The following CWC25 variants were observed in gnomAD, a reference collection of about 807,000 sequenced individuals.
CWC25 encodes the protein pre-mRNA-splicing factor CWC25 homolog.
In CWC25, 31 loss-of-function variants were observed where a neutral mutation model predicts 54.6. The observed-to-expected ratio is 0.57, with a 90% CI of 0.43 to 0.77. The LOEUF is 0.77. Among genes scored for constraint, CWC25 ranks in the 30% least tolerant of loss-of-function variants. The pLI, the probability that CWC25 is intolerant of heterozygous loss-of-function variation, is 0.00. For missense variants in CWC25, 453 were observed against 529.3 expected (o/e 0.86, Z 1.41); for synonymous variants, 151 against 187.0 (o/e 0.81, Z 1.57).
At chr17:38,815,141 AG>A (rs1294923785) in intron 2 of CWC25, 44 bp from the exon 3 acceptor site, 3 of 1,559,716 alleles carry the variant, frequency 1.9e-6, no homozygotes, top group Non-Finnish European at 2.6e-6. Context: ...TTTAAAAAGC[AG>A]ACTTCTGCAA....
rs576338315 is a variant in CWC25, at chr17:38,802,348, G to C, written c.1164-142C>G. On this transcript the variant is annotated intron_variant, in intron 9 of 9. Coordinates refer to ENST00000614790, the MANE Select transcript of CWC25 (RefSeq NM_017748.5). ...TTTTAAGCTCCCATAGATAACTTTC[G>C]AGTGACTCCACCTGGAACCAAATGT... 244 of 608,778 alleles carry C rather than the reference G, an allele frequency of 4.0e-4. 1 individual carries two copies. Among genetic ancestry groups the C allele is most frequent in the Non-Finnish European group, 1.8e-4 (62 of 348,862 alleles). The allele number at this position is 608,778 out of a possible 1,614,324, so 37.7% of individuals were successfully genotyped here. A position where few individuals can be genotyped will look rare whatever the true frequency, so the allele number is the denominator to read the frequency against.
intron 9 of CWC25, 33 bp downstream of exon 9, chr17:38,802,667 T>A: frequency 2.5e-6 from 4 of 1,611,408 alleles, no homozygotes; most frequent in Non-Finnish European, 3.4e-6. Flanking sequence ...ACCTTCCCCA[T>A]GAAAGACCCT....
chr17:38,807,220 G>A (rs1194316154), intron 6 of CWC25, among the ~76,000 whole-genome samples: 2 of 147,278 alleles, frequency 1.4e-5, no homozygotes, highest in Non-Finnish European at 3.0e-5. Flanking sequence ...CTACTCAGAA[G>A]GCTGAGGCAG....
chr17:38,802,532 A>T (rs959682125), intron 9 of CWC25, among the ~76,000 whole-genome samples, 168 bp downstream of exon 9: 1 of 152,210 alleles, frequency 6.6e-6, no homozygotes, highest in Admixed American at 6.5e-5. Context: ...CCTCCCCTCA[A>T]ATGAAAAACA....
intron 1 of CWC25, among the ~76,000 whole-genome samples, chr17:38,823,159 C>CTTTT (rs35287371): frequency 1.6e-5 from 2 of 122,440 alleles, no homozygotes; most frequent in African/African-American, 3.1e-5. Flanking sequence ...TTTTTTTTAA[C>CTTTT]TTTTTTTTTT....
chr17:38,823,838 CG>C (rs1912027302), intron 1 of CWC25, among the ~76,000 whole-genome samples: 1 of 152,172 alleles, frequency 6.6e-6, no homozygotes, highest in Non-Finnish European at 1.5e-5. Context: ...CTGGTGGAGA[CG>C]GGTGTTAGTG....
At chr17:38,813,997 G>A (rs1054895369) in intron 3 of CWC25, among the ~76,000 whole-genome samples, 1 of 152,034 alleles carries the variant, frequency 6.6e-6, no homozygotes, top group African/African-American at 2.4e-5. Flanking sequence ...GAGTAGCTGG[G>A]ACTATAGGCG....
At chr17:38,802,444 G>C (rs533952807) in intron 9 of CWC25, among the ~76,000 whole-genome samples, 2 of 152,168 alleles carry the variant, frequency 1.3e-5, no homozygotes, top group Non-Finnish European at 2.9e-5. Context: ...TTGGAAAAAG[G>C]CTTCCTGGGC....
chr17:38,809,441 A>C (rs961761294), intron 6 of CWC25, among the ~76,000 whole-genome samples: 100 of 150,580 alleles, frequency 6.6e-4, no homozygotes, highest in African/African-American at 2.1e-3. Context: ...AAAAAAAAAA[A>C]CAAAAAAACC....
At chr17:38,810,288 C>T (rs995208718) in intron 5 of CWC25, 180 bp downstream of exon 5, 2 of 628,374 alleles carry the variant, frequency 3.2e-6, no homozygotes, top group Non-Finnish European at 5.3e-6. Context: ...TTAGCATCTC[C>T]AAGGAACTCT....
intron 8 of CWC25, 57 bp from the exon 9 acceptor site, chr17:38,802,918 G>A: frequency 6.3e-7 from 1 of 1,598,738 alleles, no homozygotes; most frequent in Non-Finnish European, 8.5e-7. Context: ...ACCAGAAGCA[G>A]CACAAGAAGC....
rs777116817 is a variant in CWC25 at position 38,821,090 on chromosome 17, G to C, written c.19-17C>G. On this transcript the variant is annotated splice_polypyrimidine_tract_variant and intron_variant, in intron 1 of 9. Transcript: ENST00000614790. ...CTTCAGATTCTGTGGTAAATAAAAAGAAGGTGATGATAATTCGGGGGGTGA... is the reference window on the plus strand; with the variant it reads ...CTTCAGATTCTGTGGTAAATAAAAACAAGGTGATGATAATTCGGGGGGTGA... 6.2e-7 allele frequency: 1 copy of C among 1,606,890 alleles called. No homozygotes were observed. The highest frequency in any genetic ancestry group is 1.3e-5 in the African/African-American group (1 of 74,460).
intron 2 of CWC25, among the ~76,000 whole-genome samples, chr17:38,816,952 G>C (rs1453568527): frequency 6.6e-6 from 1 of 151,590 alleles, no homozygotes; most frequent in Non-Finnish European, 1.5e-5. Flanking sequence ...AAAGTGCTGG[G>C]ATTACAGGCG....
chr17:38,821,513 T>C (rs183633977), intron 1 of CWC25, among the ~76,000 whole-genome samples: 101 of 152,268 alleles, frequency 6.6e-4, no homozygotes, highest in African/African-American at 2.1e-3. Flanking sequence ...GAGCCGAAAC[T>C]GCGCTGCTGC....
At chr17:38,821,099 G>A (rs1911905101) in intron 1 of CWC25, 26 bp from the exon 2 acceptor site, 1 of 1,602,140 alleles carries the variant, frequency 6.2e-7, no homozygotes, top group Non-Finnish European at 8.5e-7. Context: ...AGAAGGTGAT[G>A]ATAATTCGGG....
intron 4 of CWC25, among the ~76,000 whole-genome samples, chr17:38,812,177 T>TATCA (rs1032896085): frequency 2.0e-5 from 3 of 151,916 alleles, no homozygotes. Context: ...CCTCAGGTGA[T>TATCA]CCACCCGCCT....
chr17:38,821,915 CGT>C (rs1911942290), intron 1 of CWC25, among the ~76,000 whole-genome samples: 1 of 149,182 alleles, frequency 6.7e-6, no homozygotes, highest in African/African-American at 2.5e-5. Flanking sequence ...ACTATAGGCA[CGT>C]GCCACCATGC....
At chr17:38,821,134 T>C in intron 1 of CWC25, 61 bp from the exon 2 acceptor site, 2 of 1,525,690 alleles carry the variant, frequency 1.3e-6, no homozygotes, top group Non-Finnish European at 1.8e-6. Context: ...TGGGTATAAC[T>C]AGCCCTGCCT....
intron 1 of CWC25, among the ~76,000 whole-genome samples, chr17:38,822,936 C>T (rs1270175802): frequency 2.7e-5 from 4 of 148,552 alleles, no homozygotes; most frequent in Non-Finnish European, 5.9e-5. Context: ...CTTCCAGGTT[C>T]ACGCCATTCT....
Sources: allele counts gnomAD v4.1 joint callset (sites outside exome capture counted in the v4.1 genomes callset), GRCh38; gene constraint gnomAD v4.1.1; transcripts MANE v1.5; gene names NCBI Gene and HGNC (gene_info 2026-07-23, HGNC 2026-07-21).